The following INVS variants were observed in gnomAD, a reference collection of about 807,000 sequenced individuals.
INVS encodes the protein inversion of embryo turning homolog.
A neutral mutation model predicts 108.8 loss-of-function variants in INVS; 86 were observed. The observed-to-expected ratio is 0.79, with a 90% CI of 0.66 to 0.95. The LOEUF is 0.95. Ranked by LOEUF, INVS falls within the 40% of genes least tolerant of loss-of-function variation. INVS has a pLI of 0.00. For missense variants in INVS, 1,169 were observed against 1,297.4 expected, an observed-to-expected ratio of 0.90 and a Z score of 1.52; for synonymous variants, 455 against 473.5, an observed-to-expected ratio of 0.96 and a Z score of 0.51.
intron 3 of INVS, among the ~76,000 whole-genome samples, chr9:100,223,480 A>G (rs1831212581): frequency 6.6e-6 from 1 of 151,978 alleles, no homozygotes. Context: ...TTCAAGTAAT[A>G]TTTATTAGGC....
At chr9:100,221,682 C>T (rs1283981676) in intron 3 of INVS, among the ~76,000 whole-genome samples, 1 of 151,454 alleles carries the variant, frequency 6.6e-6, no homozygotes, top group African/African-American at 2.4e-5. Flanking sequence ...ACATCTTTCT[C>T]AGTGAAAAAA....
chr9:100,156,053 G>A (rs896177356), intron 3 of INVS, among the ~76,000 whole-genome samples: 1 of 152,186 alleles, frequency 6.6e-6, no homozygotes, highest in East Asian at 1.9e-4. Context: ...TGGCTGCTTA[G>A]AAATTGGGAC....
At position 100,264,821 on chromosome 9, in the gene INVS, G is replaced by C. The variant is rs1440535067; in HGVS notation, c.1465-1G>C. 1.2e-6 allele frequency: 2 copies of C among 1,607,376 alleles called. No individual in the cohort carries two copies. The highest frequency in any genetic ancestry group is 1.7e-6 in the Non-Finnish European group (2 of 1,174,082). ...TACTTGATTTTTGTTTATGCTTATA[G>C]GGAAGAACAGCTTTGCATTGGTCCT... On this transcript the variant is annotated splice_acceptor_variant, in intron 10 of 16. Coordinates refer to ENST00000262457, the MANE Select transcript of INVS (RefSeq NM_014425.5). LOFTEE classifies it high-confidence loss of function.
At chr9:100,190,771 T>C (rs562302244) in intron 3 of INVS, among the ~76,000 whole-genome samples, 24 of 152,290 alleles carry the variant, frequency 1.6e-4, no homozygotes, top group African/African-American at 5.8e-4. Context: ...GGTTACCTGA[T>C]GCTTTTGTCT....
chr9:100,266,865 C>T (rs755415861), intron 11 of INVS, among the ~76,000 whole-genome samples: 1 of 152,036 alleles, frequency 6.6e-6, no homozygotes, highest in Non-Finnish European at 1.5e-5. Context: ...CCCATTCTTT[C>T]TATTAGTTGG....
chr9:100,100,794 ATAATATATG>A (rs1826873730), intron 1 of INVS, among the ~76,000 whole-genome samples: 1 of 11,078 alleles, frequency 9.0e-5, no homozygotes. Flanking sequence ...TATTATATAT[ATAATATATG>A]TATATATAAT....
intron 3 of INVS, among the ~76,000 whole-genome samples, chr9:100,132,309 C>T (rs1011469661): frequency 6.6e-6 from 1 of 152,138 alleles, no homozygotes; most frequent in Non-Finnish European, 1.5e-5. Context: ...AGGGCATGGC[C>T]TTCAAGACTG....
rs1330509322 is a variant in INVS at position 100,273,078 on chromosome 9, TA to T, written c.1784+4del. 1 of 1,612,888 alleles carries T rather than the reference TA, an allele frequency of 6.2e-7. No homozygotes were observed. The highest frequency in any genetic ancestry group is 8.5e-7 in the Non-Finnish European group (1 of 1,179,172). ...GTTGAGAAAAGATGCTGCTGCCAAGTAAGTATGAGCTACGCAGATTGCGTTT... is the reference window on the plus strand; with the variant it reads ...GTTGAGAAAAGATGCTGCTGCCAAGTAGTATGAGCTACGCAGATTGCGTTT... On this transcript the variant is annotated splice_donor_region_variant and intron_variant, in intron 12 of 16. Coordinates refer to ENST00000262457, the MANE Select transcript of INVS (RefSeq NM_014425.5).
chr9:100,286,418 G>A lies in INVS; in HGVS notation c.2068+1815G>A, dbSNP rs191155149. Among the ~76,000 whole-genome samples, 139 of 152,248 alleles carry A rather than the reference G, an allele frequency of 9.1e-4. 1 individual carries two copies. The highest frequency in any genetic ancestry group is 3.2e-3 in the African/African-American group (133 of 41,546). ...AAAATATACAAATTAGCCAGGCATC[G>A]TGGTGCATGCAACTCAGGAGGCTGA... On this transcript the variant is annotated intron_variant, in intron 13 of 16. Coordinates refer to ENST00000262457, the MANE Select transcript of INVS (RefSeq NM_014425.5).
intron 1 of INVS, among the ~76,000 whole-genome samples, chr9:100,100,870 ATT>A (rs1826906291): frequency 2.4e-5 from 1 of 41,018 alleles, no homozygotes; most frequent in African/African-American, 1.5e-4. Flanking sequence ...TAATATATAT[ATT>A]ATATATGTAT....
chr9:100,111,552 T>A (rs1376863418), intron 2 of INVS, among the ~76,000 whole-genome samples: 1 of 152,242 alleles, frequency 6.6e-6, no homozygotes, highest in East Asian at 1.9e-4. Context: ...GTTGCCAGAA[T>A]AATTAGCACA....
intron 3 of INVS, among the ~76,000 whole-genome samples, chr9:100,144,360 G>A (rs973210934): frequency 3.3e-5 from 5 of 152,232 alleles, no homozygotes; most frequent in Admixed American, 2.6e-4. Flanking sequence ...TTTAATTTTT[G>A]GAGCTTTATT....
intron 2 of INVS, among the ~76,000 whole-genome samples, chr9:100,106,963 G>T (rs953873336): frequency 6.6e-6 from 1 of 151,964 alleles, no homozygotes; most frequent in Non-Finnish European, 1.5e-5. Context: ...AAGAATGAAA[G>T]AATGAATGGG....
At chr9:100,102,771 C>T (rs561432869) in intron 1 of INVS, 7 of 152,366 alleles carry the variant, frequency 4.6e-5, no homozygotes, top group South Asian at 2.1e-4. Flanking sequence ...CTATGCTGAT[C>T]GTAGTGGGAT....
intron 3 of INVS, among the ~76,000 whole-genome samples, chr9:100,169,301 C>G (rs1232200566): frequency 6.6e-6 from 1 of 152,172 alleles, no homozygotes; most frequent in African/African-American, 2.4e-5. Context: ...ATGTCCAACT[C>G]AGTCCCAAAA....
At chr9:100,206,614 A>G (rs777015843) in intron 3 of INVS, among the ~76,000 whole-genome samples, 1 of 152,166 alleles carries the variant, frequency 6.6e-6, no homozygotes, top group Non-Finnish European at 1.5e-5. Context: ...TTCTAAAAAC[A>G]AGGACATTCT....
chr9:100,295,905 A>C (rs564112535), intron 14 of INVS, among the ~76,000 whole-genome samples: 1 of 152,322 alleles, frequency 6.6e-6, no homozygotes, highest in South Asian at 2.1e-4. Context: ...CGGTAGTGCC[A>C]TACTTTTCTC....
intron 13 of INVS, among the ~76,000 whole-genome samples, chr9:100,286,924 A>AT (rs935857910): frequency 1.8e-4 from 27 of 152,182 alleles, no homozygotes; most frequent in African/African-American, 4.8e-4. Context: ...TTTACTTGTC[A>AT]TTTTTTCCAC....
intron 3 of INVS, among the ~76,000 whole-genome samples, chr9:100,139,658 G>A (rs1359871098): frequency 6.6e-6 from 1 of 151,668 alleles, no homozygotes; most frequent in Non-Finnish European, 1.5e-5. Flanking sequence ...TTTTTTGTGG[G>A]GGGAGATAGA....
Sources: gnomAD v4.1 joint callset for allele counts (sites outside exome capture counted in the v4.1 genomes callset) on GRCh38, gnomAD v4.1.1 for gene constraint, MANE v1.5 for transcripts, NCBI Gene and HGNC (gene_info 2026-07-23, HGNC 2026-07-21) for gene names.